The following MAPKAP1 variants were observed in gnomAD, a reference collection of about 807,000 sequenced individuals.
MAPKAP1 encodes MAPK associated protein 1.
In MAPKAP1, 20 loss-of-function variants were observed where a neutral mutation model predicts 65.7. The observed-to-expected ratio is 0.30, with a 90% CI of 0.21 to 0.44. The LOEUF (loss-of-function observed/expected upper bound fraction) is 0.44, where lower values mean the gene tolerates loss of function less well. Ranked by LOEUF, MAPKAP1 falls within the 20% of genes least tolerant of loss-of-function variation. The pLI, the probability that MAPKAP1 is intolerant of heterozygous loss-of-function variation, is 1.00. For synonymous variants in MAPKAP1, 222 were observed against 244.3 expected (o/e 0.91, Z 0.85); for missense variants, 423 against 648.0 (o/e 0.65, Z 3.77).
At chr9:125,653,775 C>G (rs1395034836) in intron 4 of MAPKAP1, among the ~76,000 whole-genome samples, 1 of 152,206 alleles carries the variant, frequency 6.6e-6, no homozygotes, top group African/African-American at 2.4e-5. Flanking sequence ...GTGCTAGATG[C>G]TTCATCCTAG....
At chr9:125,450,070 C>T (rs762726673) in intron 10 of MAPKAP1, among the ~76,000 whole-genome samples, 16 of 151,946 alleles carry the variant, frequency 1.1e-4, no homozygotes, top group Middle Eastern at 3.4e-3. Flanking sequence ...TTACAGGTAC[C>T]CCCCACCATG....
intron 1 of MAPKAP1, among the ~76,000 whole-genome samples, chr9:125,683,022 G>A (rs140955197): frequency 8.0e-5 from 12 of 150,668 alleles, no homozygotes; most frequent in Non-Finnish European, 1.2e-4. Flanking sequence ...GCAATGGTGC[G>A]ATCTCAGCTC....
At chr9:125,690,965 A>AT (rs1225910625) in intron 1 of MAPKAP1, among the ~76,000 whole-genome samples, 2 of 152,152 alleles carry the variant, frequency 1.3e-5, no homozygotes, top group Non-Finnish European at 2.9e-5. Context: ...TATTTAAGAG[A>AT]TAAAAACTGG....
At chr9:125,585,135 C>G (rs1831740709) in intron 5 of MAPKAP1, among the ~76,000 whole-genome samples, 2 of 152,144 alleles carry the variant, frequency 1.3e-5, no homozygotes, top group Admixed American at 6.5e-5. Context: ...TGAACCTGAG[C>G]TTCCACCACT....
intron 7 of MAPKAP1, among the ~76,000 whole-genome samples, chr9:125,531,203 C>T (rs186681818): frequency 2.0e-5 from 3 of 152,276 alleles, no homozygotes; most frequent in East Asian, 1.9e-4. Flanking sequence ...CCGTGGGCCC[C>T]GTAACCTTAT....
chr9:125,457,392 A>G (rs1853224494), intron 10 of MAPKAP1, among the ~76,000 whole-genome samples: 1 of 152,102 alleles, frequency 6.6e-6, no homozygotes, highest in Non-Finnish European at 1.5e-5. Flanking sequence ...TTCTTCTTTT[A>G]AGTCCCTGAA....
intron 1 of MAPKAP1, among the ~76,000 whole-genome samples, chr9:125,705,979 G>A (rs970341003): frequency 2.0e-5 from 3 of 152,168 alleles, no homozygotes; most frequent in Admixed American, 1.3e-4. Context: ...GGGGGTGTAA[G>A]TGCAGTCTGG....
At chr9:125,520,025 C>T (rs948407791) in intron 7 of MAPKAP1, among the ~76,000 whole-genome samples, 2 of 152,100 alleles carry the variant, frequency 1.3e-5, no homozygotes, top group African/African-American at 4.8e-5. Flanking sequence ...ACATTTGAGA[C>T]AGTATGATGT....
At chr9:125,552,765 C>T (rs548124478) in intron 6 of MAPKAP1, among the ~76,000 whole-genome samples, 1 of 152,150 alleles carries the variant, frequency 6.6e-6, no homozygotes, top group Non-Finnish European at 1.5e-5. Flanking sequence ...AATTTACAGA[C>T]TAAGTTTCAG....
intron 7 of MAPKAP1, 88 bp downstream of exon 7, chr9:125,542,971 A>G: frequency 1.1e-6 from 1 of 898,550 alleles, no homozygotes. Context: ...GAAAGAATCT[A>G]GCCAGCCATC....
At chr9:125,527,162 G>C (rs1829796837) in intron 7 of MAPKAP1, among the ~76,000 whole-genome samples, 1 of 151,390 alleles carries the variant, frequency 6.6e-6, no homozygotes, top group Admixed American at 6.6e-5. Flanking sequence ...CCCGCCCCCA[G>C]GTTTAAGCAA....
chr9:125,461,822 T>G (rs1036942606), intron 10 of MAPKAP1, among the ~76,000 whole-genome samples: 1 of 151,836 alleles, frequency 6.6e-6, no homozygotes, highest in African/African-American at 2.4e-5. Context: ...CTCCCGGGAG[T>G]GGACAGAGCC....
rs868478886 is a variant in MAPKAP1 at position 125,573,103 on chromosome 9, G to C, written c.671+12452C>G. On this transcript the variant is annotated intron_variant, in intron 5 of 11. Coordinates refer to ENST00000265960, the MANE Select transcript of MAPKAP1 (RefSeq NM_001006617.3). ...TAAAGAGTTCTCTTATAAAAGGGGG[G>C]GGGGGGGGGACATGAGAGGTGTGTG... 189 of 72,878 alleles carry C rather than the reference G, an allele frequency of 2.6e-3. 4 individuals carry two copies. The highest frequency in any genetic ancestry group is 5.9e-3 in the African/African-American group (174 of 29,566). 4.5% of individuals were successfully genotyped at this position (72,878 alleles called of 1,614,324 possible). A position where few individuals can be genotyped will look rare whatever the true frequency, so the allele number is the denominator to read the frequency against.
chr9:125,674,808 T>G (rs1288852456), intron 1 of MAPKAP1, among the ~76,000 whole-genome samples: 1 of 152,152 alleles, frequency 6.6e-6, no homozygotes, highest in Non-Finnish European at 1.5e-5. Flanking sequence ...TAATGGGAAA[T>G]GCAAAGGTGA....
chr9:125,537,749 T>C (rs1830113949), intron 7 of MAPKAP1, among the ~76,000 whole-genome samples: 1 of 152,232 alleles, frequency 6.6e-6, no homozygotes, highest in African/African-American at 2.4e-5. Context: ...TCCCAAGTGT[T>C]GGAATTACAG....
intron 8 of MAPKAP1, among the ~76,000 whole-genome samples, chr9:125,488,105 G>C (rs563217830): frequency 6.6e-6 from 1 of 152,172 alleles, no homozygotes; most frequent in Non-Finnish European, 1.5e-5. Flanking sequence ...AATGCTTCTT[G>C]CATTGACCTT....
chr9:125,510,281 T>C (rs1026782014), intron 7 of MAPKAP1, among the ~76,000 whole-genome samples: 1 of 152,206 alleles, frequency 6.6e-6, no homozygotes, highest in Non-Finnish European at 1.5e-5. Flanking sequence ...TGGCCAATTA[T>C]AAAAAGGCCA....
At chr9:125,539,345 G>A (rs1830171695) in intron 7 of MAPKAP1, among the ~76,000 whole-genome samples, 1 of 152,154 alleles carries the variant, frequency 6.6e-6, no homozygotes, top group South Asian at 2.1e-4. Context: ...AGATAATACA[G>A]AAAATCACCT....
Position 125,672,358 on chromosome 9 carries a change from T to A in MAPKAP1, c.217A>T (p.Thr73Ser). 6.2e-7 allele frequency: 1 copy of A among 1,614,200 alleles called. No individual in the cohort carries two copies. Among genetic ancestry groups the A allele is most frequent in the Non-Finnish European group, 8.5e-7 (1 of 1,180,032 alleles). The change falls in exon 2 of 12, where the codon ACC (threonine) becomes TCC (serine). Residue 73 changes from threonine to serine, a missense_variant. Physicochemically the swap from Thr to Ser is moderately conservative, Grantham distance 58. Around this residue, in one of 6 missense-constraint regions of MAPKAP1, gnomAD observed 58 missense variants for 56.9 expected, o/e 1.02. Transcript: ENST00000265960. ...GYVYAQSVDI[T>S]SSWDFGIRRR... ...CTAATACCAAAGTCCCAACTTGAGGTAATATCGACTGACTGGGCATATACA... is the reference window on the plus strand; with the variant it reads ...CTAATACCAAAGTCCCAACTTGAGGAAATATCGACTGACTGGGCATATACA...
Sources: allele counts gnomAD v4.1 joint callset (sites outside exome capture counted in the v4.1 genomes callset), GRCh38; gene constraint gnomAD v4.1.1; regional missense constraint gnomAD v4.1.1; transcripts MANE v1.5; gene names NCBI Gene and HGNC (gene_info 2026-07-23, HGNC 2026-07-21).